Variants in SPOCK3 observed in about 807,000 individuals in gnomAD.
SPOCK3 encodes the protein testican-3.
A neutral mutation model predicts 56.6 loss-of-function variants in SPOCK3; 30 were observed. The ratio of observed to expected loss-of-function variants is 0.53; its 90% CI spans 0.40 to 0.72. SPOCK3 has a LOEUF of 0.72. Ranked by LOEUF, SPOCK3 falls within the 30% of genes least tolerant of loss-of-function variation. SPOCK3 has a pLI of 0.00. For missense variants in SPOCK3, 527 were observed against 530.0 expected, an observed-to-expected ratio of 0.99 and a Z score of 0.06; for synonymous variants, 196 against 183.3, an observed-to-expected ratio of 1.07 and a Z score of -0.56.
intron 3 of SPOCK3, among the ~76,000 whole-genome samples, chr4:167,048,074 T>C (rs1268263788): frequency 6.6e-6 from 1 of 152,156 alleles, no homozygotes; most frequent in Non-Finnish European, 1.5e-5. Flanking sequence ...GAACTATTCC[T>C]GAGTTCCATA....
intron 2 of SPOCK3, among the ~76,000 whole-genome samples, chr4:167,064,529 T>C (rs937904462): frequency 1.3e-5 from 2 of 151,884 alleles, no homozygotes; most frequent in African/African-American, 4.8e-5. Context: ...TAATATCTTT[T>C]ATTTTTAAAA....
intron 2 of SPOCK3, among the ~76,000 whole-genome samples, chr4:167,142,905 A>G (rs1763650356): frequency 1.3e-5 from 2 of 152,140 alleles, no homozygotes; most frequent in Admixed American, 6.6e-5. Context: ...TGTGGATGCA[A>G]CAAAACAACC....
At chr4:166,880,984 CT>C (rs1462369695) in intron 6 of SPOCK3, among the ~76,000 whole-genome samples, 4 of 152,022 alleles carry the variant, frequency 2.6e-5, no homozygotes, top group African/African-American at 9.7e-5. Flanking sequence ...TATATTACAT[CT>C]TTGTTATATT....
At chr4:166,944,608 G>T (rs1741501282) in intron 4 of SPOCK3, among the ~76,000 whole-genome samples, 1 of 151,968 alleles carries the variant, frequency 6.6e-6, no homozygotes, top group Non-Finnish European at 1.5e-5. Context: ...TTACATTGTA[G>T]AATGTTTCTC....
chr4:166,754,291 A>C, intron 8 of SPOCK3: 1 of 1,272,964 alleles, frequency 7.9e-7, no homozygotes, highest in Non-Finnish European at 9.9e-7. Context: ...TTAATACAAA[A>C]TATTAATTAC....
At chr4:166,781,403 A>C (rs1740150411) in intron 7 of SPOCK3, among the ~76,000 whole-genome samples, 1 of 148,210 alleles carries the variant, frequency 6.7e-6, no homozygotes, top group Admixed American at 6.7e-5. Flanking sequence ...AGAGGATGAT[A>C]AGGAGAAAGA....
At chr4:167,095,467 A>T (rs1439541466) in intron 2 of SPOCK3, among the ~76,000 whole-genome samples, 1 of 152,078 alleles carries the variant, frequency 6.6e-6, no homozygotes, top group Non-Finnish European at 1.5e-5. Context: ...CAGTAGAAAC[A>T]AATTACAAAA....
chr4:166,850,955 T>G (rs972881896), intron 6 of SPOCK3, among the ~76,000 whole-genome samples: 53 of 152,206 alleles, frequency 3.5e-4, no homozygotes, highest in African/African-American at 1.2e-3. Flanking sequence ...TCGAACTGGG[T>G]GGAGCCCACA....
intron 3 of SPOCK3, among the ~76,000 whole-genome samples, chr4:167,053,706 C>A (rs1020024766): frequency 1.3e-5 from 2 of 151,642 alleles, no homozygotes; most frequent in African/African-American, 4.8e-5. Flanking sequence ...AATAAATAAA[C>A]AAATAAATAA....
chr4:166,825,365 A>T (rs1187482194), intron 6 of SPOCK3, among the ~76,000 whole-genome samples: 1 of 152,130 alleles, frequency 6.6e-6, no homozygotes, highest in East Asian at 1.9e-4. Flanking sequence ...TCTTATCTAT[A>T]CTCATCTGAA....
rs948772599 is a variant in SPOCK3 at position 166,749,407 on chromosome 4, T to C, written c.931+5101A>G. On this transcript the variant is annotated intron_variant, in intron 8 of 10. Transcript: ENST00000357545. ...CAAGGACAGAAAACCAAACACCACA[T>C]GTTCTCACTCATAGGTGGGAATTGA... Among the ~76,000 whole-genome samples, 11 of 150,980 alleles carry C rather than the reference T, an allele frequency of 7.3e-5. 1 individual carries two copies. Among genetic ancestry groups the C allele is most frequent in the South Asian group, 6.2e-4 (3 of 4,804 alleles).
chr4:166,820,795 G>A (rs895577983), intron 6 of SPOCK3, among the ~76,000 whole-genome samples: 2 of 152,042 alleles, frequency 1.3e-5, no homozygotes, highest in Non-Finnish European at 2.9e-5. Context: ...CTCTGTCTGA[G>A]TGACAGAGTA....
At chr4:167,222,251 G>A (rs76348151) in intron 2 of SPOCK3, among the ~76,000 whole-genome samples, 4,780 of 151,880 alleles carry the variant, frequency 0.031, 86 homozygotes, top group Admixed American at 0.069. Context: ...AGTCAAATTC[G>A]TAGAAACAAA....
At chr4:167,183,262 A>T (rs548938176) in intron 2 of SPOCK3, among the ~76,000 whole-genome samples, 1 of 152,304 alleles carries the variant, frequency 6.6e-6, no homozygotes, top group African/African-American at 2.4e-5. Context: ...ATAAATGATC[A>T]TTGTTTTAAG....
intron 7 of SPOCK3, among the ~76,000 whole-genome samples, chr4:166,789,179 C>A (rs916505693): frequency 6.6e-6 from 1 of 152,038 alleles, no homozygotes; most frequent in Non-Finnish European, 1.5e-5. Context: ...CCTGTAATCC[C>A]ACCACTTTGG....
chr4:167,085,175 A>G (rs908721352), intron 2 of SPOCK3, among the ~76,000 whole-genome samples: 2 of 115,434 alleles, frequency 1.7e-5, no homozygotes, highest in Non-Finnish European at 3.4e-5. Flanking sequence ...TTGAATCTAG[A>G]AAAAAAAAAA....
chr4:166,908,608 T>C (rs1417305241), intron 5 of SPOCK3, among the ~76,000 whole-genome samples: 1 of 151,810 alleles, frequency 6.6e-6, no homozygotes, highest in African/African-American at 2.4e-5. Context: ...GATTGTTTAG[T>C]TCAATTGCCA....
intron 3 of SPOCK3, among the ~76,000 whole-genome samples, chr4:167,012,207 T>C (rs1228284664): frequency 6.6e-6 from 1 of 152,038 alleles, no homozygotes; most frequent in African/African-American, 2.4e-5. Context: ...AGCAGTTATG[T>C]AATTCATTTA....
At chr4:166,782,863 C>A (rs1329951036) in intron 7 of SPOCK3, among the ~76,000 whole-genome samples, 1 of 151,944 alleles carries the variant, frequency 6.6e-6, no homozygotes, top group Non-Finnish European at 1.5e-5. Context: ...GTGAGAAAGA[C>A]TTTCTTAAAG....
Sources: gnomAD v4.1 joint callset for allele counts (sites outside exome capture counted in the v4.1 genomes callset) on GRCh38, gnomAD v4.1.1 for gene constraint, MANE v1.5 for transcripts, NCBI Gene and HGNC (gene_info 2026-07-23, HGNC 2026-07-21) for gene names.